Variants in H6PD observed in about 807,000 individuals in gnomAD.
H6PD encodes GDH/6PGL endoplasmic bifunctional protein.
Under a neutral mutation model 61.2 loss-of-function variants are expected in H6PD, and 48 were observed. That is an observed-to-expected ratio of 0.78 (90% CI 0.62 to 1.00). The LOEUF (loss-of-function observed/expected upper bound fraction) is 1.00, where lower values mean the gene tolerates loss of function less well. Ranked by LOEUF, H6PD falls within the 50% of genes least tolerant of loss-of-function variation. H6PD has a pLI of 0.00. For missense variants in H6PD, 1,093 were observed against 1,065.0 expected (o/e 1.03, Z -0.37); for synonymous variants, 480 against 457.9 (o/e 1.05, Z -0.62).
At chr1:9,259,111 C>G (rs999919064) in intron 3 of H6PD, among the ~76,000 whole-genome samples, 1 of 152,212 alleles carries the variant, frequency 6.6e-6, no homozygotes, top group African/African-American at 2.4e-5. Flanking sequence ...CCTGCCTCAG[C>G]CTCCCAAGTA....
chr1:9,262,443 G>C (rs1261839581), intron 4 of H6PD, 115 bp downstream of exon 4: 11 of 1,021,638 alleles, frequency 1.1e-5, no homozygotes, highest in African/African-American at 1.6e-5. Context: ...ATTTCCCCCA[G>C]GGTGCTCGGA....
chr1:9,263,714 G>A lies in H6PD; in HGVS notation c.1221G>A (p.Leu407=), dbSNP rs759138892. 1.2e-6 allele frequency: 2 copies of A among 1,613,998 alleles called. No individual in the cohort carries two copies. The highest frequency in any genetic ancestry group is 1.7e-6 in the Non-Finnish European group (2 of 1,180,004). The change falls in exon 5 of 5, where the codon CTG becomes CTA. Residue 407 remains leucine (L), a synonymous_variant. Transcript: ENST00000377403. ...TCTTCCACATCGGCCATGGCGACCTGGGCAGCCCTGCCGTGCTGGTCAGCA... is the reference window on the plus strand; with the variant it reads ...TCTTCCACATCGGCCATGGCGACCTAGGCAGCCCTGCCGTGCTGGTCAGCA... ...QLVFHIGHGD[L]GSPAVLVSRN...
chr1:9,259,457 TTGTTA>T (rs1641643589), intron 3 of H6PD, among the ~76,000 whole-genome samples: 1 of 152,190 alleles, frequency 6.6e-6, no homozygotes, highest in Non-Finnish European at 1.5e-5. Context: ...TAAGCCAGTG[TTGTTA>T]TGTTGTTATG....
At chr1:9,246,088 G>A (rs1370316786) in intron 2 of H6PD, among the ~76,000 whole-genome samples, 3 of 151,890 alleles carry the variant, frequency 2.0e-5, no homozygotes, top group Non-Finnish European at 4.4e-5. Flanking sequence ...GAGTACAGGC[G>A]CGCATCACCA....
chr1:9,244,885 ATCCT>A lies in H6PD; in HGVS notation c.-10-34_-10-31del, dbSNP rs774666087. 16 of 1,599,340 alleles carry A rather than the reference ATCCT, an allele frequency of 1.0e-5. No individual in the cohort carries two copies. The South Asian group carries it at 1.7e-4, about 17-fold the overall frequency. ...ATCGTAGCCACCTGAACCATGTCTG[ATCCT>A]TCCTTGTTCCTCGTCTGTCTCTCTT... On this transcript the variant is annotated intron_variant, in intron 1 of 4. Transcript: ENST00000377403.
chr1:9,267,775 G>C lies in H6PD; in HGVS notation c.*2906G>C, dbSNP rs1638616554. Reference sequence around the variant, plus strand: ...AGGAGAAGTTTTCAGAACCCTCTAGGCTGGTGGCTTTCAAACTTCAGACCA... The same window carrying C: ...AGGAGAAGTTTTCAGAACCCTCTAGCCTGGTGGCTTTCAAACTTCAGACCA... On this transcript the variant is annotated 3_prime_UTR_variant, in exon 5 of 5. Transcript: ENST00000377403. 1.3e-5 allele frequency: 2 copies of C among 152,174 alleles called. No individual in the cohort carries two copies. The highest frequency in any genetic ancestry group is 4.1e-4 in the South Asian group (2 of 4,830). 9.4% of individuals were successfully genotyped at this position (152,174 alleles called of 1,614,324 possible). A position where few individuals can be genotyped will look rare whatever the true frequency, so the allele number is the denominator to read the frequency against.
intron 4 of H6PD, 131 bp from the exon 5 acceptor site, chr1:9,263,378 T>A: frequency 1.2e-6 from 1 of 840,730 alleles, no homozygotes; most frequent in South Asian, 1.3e-5. Flanking sequence ...AGGCGAGGGG[T>A]GAGCATGGCA....
rs568796850 is a variant in H6PD at position 9,270,541 on chromosome 1, G to C, written c.*5672G>C. The C allele has an allele frequency of 6.6e-6, 1 of 152,398 alleles. No individual in the cohort carries two copies. The highest frequency in any genetic ancestry group is 1.5e-5 in the Non-Finnish European group (1 of 68,064). The allele number at this position is 152,398 out of a possible 1,614,324, so 9.4% of individuals were successfully genotyped here. On this transcript the variant is annotated 3_prime_UTR_variant, in exon 5 of 5. Transcript: ENST00000377403. Reference sequence around the variant, plus strand: ...TGCCCCTCCTAGTTCTGTCCACCGGGAAGAGCCGGCTGGCGGCAGATCCCC... The same window carrying C: ...TGCCCCTCCTAGTTCTGTCCACCGGCAAGAGCCGGCTGGCGGCAGATCCCC...
At position 9,247,069 on chromosome 1, in the gene H6PD, C is replaced by A; in HGVS notation, c.731C>A (p.Thr244Asn). Residue 244 changes from threonine (T) to asparagine (N), a missense_variant, in exon 3 of 5, where the codon ACC becomes AAC. Transcript: ENST00000377403. ...CGGGTGGAGATCATCATGAAAGAGA[C>A]CGTGGATGCTGAAGGTGTGTGAGTG... ...VERVEIIMKE[T>N]VDAEGRTSFY... The A allele has an allele frequency of 6.2e-7, 1 of 1,608,658 alleles. No homozygotes were observed. The highest frequency in any genetic ancestry group is 8.5e-7 in the Non-Finnish European group (1 of 1,174,994).
chr1:9,240,941 C>T (rs574833351), intron 1 of H6PD, among the ~76,000 whole-genome samples: 4 of 152,208 alleles, frequency 2.6e-5, no homozygotes, highest in Admixed American at 2.0e-4. Flanking sequence ...TCCCCCTGTC[C>T]CTGACTTTGA....
At chr1:9,236,264 A>G (rs143539187) in intron 1 of H6PD, among the ~76,000 whole-genome samples, 2,558 of 151,648 alleles carry the variant, frequency 0.017, 67 homozygotes, top group African/African-American at 0.059. Flanking sequence ...TGCTGGGATT[A>G]CAGGCATGAA....
chr1:9,265,200 G>A lies in H6PD; in HGVS notation c.*331G>A, dbSNP rs781628382. 9.2e-6 allele frequency: 4 copies of A among 432,794 alleles called. No homozygotes were observed. The highest frequency in any genetic ancestry group is 2.1e-5 in the South Asian group (1 of 46,832). The allele number at this position is 432,794 out of a possible 1,614,324, so 26.8% of individuals were successfully genotyped here. A position where few individuals can be genotyped will look rare whatever the true frequency, so the allele number is the denominator to read the frequency against. ...CAACACGGGATGGCGCCCAAACTCCGGCGTTCACAAGAGGAGACGTGACGT... is the reference window on the plus strand; with the variant it reads ...CAACACGGGATGGCGCCCAAACTCCAGCGTTCACAAGAGGAGACGTGACGT... On this transcript the variant is annotated 3_prime_UTR_variant, in exon 5 of 5. Transcript: ENST00000377403.
chr1:9,247,504 A>T lies in H6PD; in HGVS notation c.745+421A>T, dbSNP rs1641219422. On this transcript the variant is annotated intron_variant, in intron 3 of 4. Transcript: ENST00000377403. ...CCTTCTGACCCCTCTCTCGCTTGTT[A>T]GTTCTCAGCTCCATGGCCCTCCAGG... Among the ~76,000 whole-genome samples, 2 of 151,326 alleles carry T rather than the reference A, an allele frequency of 1.3e-5. 1 individual carries two copies. The highest frequency in any genetic ancestry group is 4.2e-4 in the South Asian group (2 of 4,800).
At chr1:9,246,140 C>T (rs1641167921) in intron 2 of H6PD, among the ~76,000 whole-genome samples, 1 of 152,122 alleles carries the variant, frequency 6.6e-6, no homozygotes, top group African/African-American at 2.4e-5. Flanking sequence ...AATGGGTTTT[C>T]ACCATGTTGG....
rs114922064 is a variant in H6PD, at chr1:9,267,673, T to C, written c.*2804T>C. On this transcript the variant is annotated 3_prime_UTR_variant, in exon 5 of 5. Transcript: ENST00000377403. ...AGAATCAAGTGCCTTCTGCAAATCA[T>C]GTTGGAAAAGTCCAAACCTGGAGAT... 2,981 of 152,422 alleles carry C rather than the reference T, an allele frequency of 0.02. 35 individuals are homozygous for C. Among genetic ancestry groups the C allele is most frequent in the African/African-American group, 0.033 (1,392 of 41,558 alleles). The allele number at this position is 152,422 out of a possible 1,614,324, so 9.4% of individuals were successfully genotyped here.
In H6PD at chr1:9,262,345, G is replaced by A. The variant is rs1452121125; in HGVS notation, c.1015+17G>A. 8 of 1,591,672 alleles carry A rather than the reference G, an allele frequency of 5.0e-6. No homozygotes were observed. Among genetic ancestry groups the A allele is most frequent in the Admixed American group, 3.5e-5 (2 of 57,010 alleles). ...CCTTCGCAGGTGGGCCCTGGGGCTG[G>A]GCATGGGGCACTGGGCTGCCCACTT... On this transcript the variant is annotated intron_variant, in intron 4 of 4. Coordinates refer to ENST00000377403, the MANE Select transcript of H6PD (RefSeq NM_004285.4).
rs72641816 is a variant in H6PD at position 9,266,120 on chromosome 1, A to T, written c.*1251A>T. 15,362 of 152,362 alleles carry T rather than the reference A, an allele frequency of 0.1. 1,051 individuals are homozygous for T. The highest frequency in any genetic ancestry group is 0.2 in the South Asian group (958 of 4,822). 9.4% of individuals were successfully genotyped at this position (152,362 alleles called of 1,614,324 possible). The stretch of plus-strand genomic sequence containing the variant: ...TCATTAGCGGGGAGAGAGATGGAGC[A>T]TCGAGTGACACTGGGCCATCCAGGC... On this transcript the variant is annotated 3_prime_UTR_variant, in exon 5 of 5. Coordinates refer to ENST00000377403, the MANE Select transcript of H6PD (RefSeq NM_004285.4).
At chr1:9,239,922 C>T in intron 1 of H6PD, 1 of 1,042,518 alleles carries the variant, frequency 9.6e-7, no homozygotes, top group African/African-American at 1.6e-5. Flanking sequence ...CAGCTGCACG[C>T]CTCTTCCGCT....
chr1:9,241,907 T>C (rs1641009749), intron 1 of H6PD, among the ~76,000 whole-genome samples: 1 of 152,168 alleles, frequency 6.6e-6, no homozygotes, highest in South Asian at 2.1e-4. Flanking sequence ...TCCACAAGAC[T>C]GTTGTGAGGA....
Sources: gnomAD v4.1 joint callset for allele counts (sites outside exome capture counted in the v4.1 genomes callset) on GRCh38, gnomAD v4.1.1 for gene constraint, MANE v1.5 for transcripts, NCBI Gene and HGNC (gene_info 2026-07-23, HGNC 2026-07-21) for gene names.